Variants in PDE6A observed in about 807,000 individuals in gnomAD.
PDE6A encodes the protein phosphodiesterase 6A, also known as rod cGMP-specific 3',5'-cyclic phosphodiesterase subunit alpha.
Under a neutral mutation model 106.3 loss-of-function variants are expected in PDE6A, and 84 were observed. The observed-to-expected ratio is 0.79, with a 90% CI of 0.66 to 0.95. The LOEUF (loss-of-function observed/expected upper bound fraction) is 0.95. Ranked by LOEUF, PDE6A falls within the 40% of genes least tolerant of loss-of-function variation. PDE6A has a pLI of 0.00. For missense variants in PDE6A, 1,052 were observed against 1,084.9 expected (o/e 0.97, Z 0.43); for synonymous variants, 394 against 386.6 (o/e 1.02, Z -0.23).
chr5:149,882,760 C>T (rs1760973551), intron 17 of PDE6A, among the ~76,000 whole-genome samples: 1 of 152,026 alleles, frequency 6.6e-6, no homozygotes, highest in Non-Finnish European at 1.5e-5. Flanking sequence ...TTAACTATCA[C>T]TCAAACTTTA....
chr5:149,865,265 C>T (rs1378710380), intron 20 of PDE6A, among the ~76,000 whole-genome samples: 1 of 143,448 alleles, frequency 7.0e-6, no homozygotes, highest in Non-Finnish European at 1.5e-5. Context: ...AAAAATTTAG[C>T]TGGATGTGGT....
chr5:149,907,136 A>G (rs2113615831), intron 7 of PDE6A, among the ~76,000 whole-genome samples, 176 bp downstream of exon 7: 1 of 152,352 alleles, frequency 6.6e-6, no homozygotes, highest in South Asian at 2.1e-4. Flanking sequence ...TCAAATGTCA[A>G]TTATCTGTTC....
intron 10 of PDE6A, 36 bp downstream of exon 10, chr5:149,898,327 G>A (rs1752835693): frequency 6.2e-7 from 1 of 1,603,128 alleles, no homozygotes; most frequent in African/African-American, 1.3e-5. Context: ...GACGCAGTCT[G>A]TATTAGAGTA....
At chr5:149,939,725 CA>C (rs1754277469) in intron 1 of PDE6A, among the ~76,000 whole-genome samples, 1 of 152,252 alleles carries the variant, frequency 6.6e-6, no homozygotes, top group African/African-American at 2.4e-5. Context: ...TTGCCAAGGC[CA>C]CATTCTTTGA....
At chr5:149,935,061 A>G (rs986203325) in intron 1 of PDE6A, among the ~76,000 whole-genome samples, 5 of 152,202 alleles carry the variant, frequency 3.3e-5, no homozygotes, top group Non-Finnish European at 7.3e-5. Flanking sequence ...GGGTACAGCT[A>G]AGAGGAAGCC....
chr5:149,905,507 A>G (rs1404115681), intron 7 of PDE6A, among the ~76,000 whole-genome samples: 1 of 152,134 alleles, frequency 6.6e-6, no homozygotes, highest in Non-Finnish European at 1.5e-5. Context: ...AGCACTATCT[A>G]TTCAGTCTAG....
chr5:149,943,169 C>T (rs577897206), intron 1 of PDE6A, among the ~76,000 whole-genome samples: 5 of 152,240 alleles, frequency 3.3e-5, no homozygotes, highest in South Asian at 2.1e-4. Context: ...TGCGGCCTTC[C>T]GCAGTGCATT....
At chr5:149,872,269 A>G (rs1000168547) in intron 17 of PDE6A, among the ~76,000 whole-genome samples, 19 of 152,184 alleles carry the variant, frequency 1.2e-4, no homozygotes, top group African/African-American at 3.1e-4. Context: ...GTTGGATCCT[A>G]TGAAATTCTG....
intron 17 of PDE6A, among the ~76,000 whole-genome samples, chr5:149,882,006 C>T (rs980730026): frequency 1.2e-4 from 18 of 151,408 alleles, no homozygotes; most frequent in African/African-American, 3.4e-4. Flanking sequence ...GAGCCCTGAT[C>T]GCCACTGCAC....
rs758150381 is a variant in PDE6A at position 149,934,712 on chromosome 5, G to C, written c.481C>G (p.His161Asp). The change falls in exon 2 of 22, where the codon CAT (histidine) becomes GAT (aspartate). Residue 161 changes from histidine to aspartate, a missense_variant. By Grantham distance (81) the His-to-Asp change is moderately conservative. Transcript: ENST00000255266. ...AGGATGTCCACAAAGTCACAGAAAT[G>C]CTCATCCTAAAGGAAGGCAGAGATA... The part of the protein sequence containing the change: ...ANVPNTEEDE[H>D]FCDFVDILTE... 5.5e-5 allele frequency: 89 copies of C among 1,613,706 alleles called. 2 individuals are homozygous for C. The South Asian group carries it at 5.6e-4, about 10-fold the overall frequency.
chr5:149,880,075 C>G (rs977461983), intron 17 of PDE6A, among the ~76,000 whole-genome samples: 11 of 152,146 alleles, frequency 7.2e-5, no homozygotes, highest in African/African-American at 2.7e-4. Context: ...TTCTGCTGGT[C>G]ACCATTATTA....
At chr5:149,919,066 G>A (rs941631861) in intron 5 of PDE6A, among the ~76,000 whole-genome samples, 2 of 152,088 alleles carry the variant, frequency 1.3e-5, no homozygotes, top group African/African-American at 2.4e-5. Context: ...AGAGTTCCAG[G>A]ACCTTCTTGA....
At position 149,869,409 on chromosome 5, in the gene PDE6A, G is replaced by T. The variant is rs1160516047; in HGVS notation, c.2136-1251C>A. On this transcript the variant is annotated intron_variant, in intron 17 of 21. Transcript: ENST00000255266. ...AAGAGTTCAAAGGTAAACTCTTAAG[G>T]GAGTGTCCCACTCATAGAAAGGCAA... Among the ~76,000 whole-genome samples the T allele has an allele frequency of 5.9e-5, 9 of 152,220 alleles. No homozygotes were observed. The East Asian group carries it at 1.7e-3, about 29-fold the overall frequency.
chr5:149,908,628 T>C (rs1156877709), intron 6 of PDE6A, among the ~76,000 whole-genome samples: 1 of 152,240 alleles, frequency 6.6e-6, no homozygotes, highest in Non-Finnish European at 1.5e-5. Context: ...AGTTCCTCTG[T>C]TCATGTCTTT....
intron 1 of PDE6A, among the ~76,000 whole-genome samples, chr5:149,940,505 CT>C (rs56930344): frequency 1.3e-4 from 19 of 141,910 alleles, no homozygotes; most frequent in Middle Eastern, 7.4e-3. Flanking sequence ...TGTTTGAATC[CT>C]TTTTTTTTTG....
chr5:149,871,880 T>A (rs762075546), intron 17 of PDE6A, among the ~76,000 whole-genome samples: 1 of 152,018 alleles, frequency 6.6e-6, no homozygotes, highest in Non-Finnish European at 1.5e-5. Flanking sequence ...TAAAGAGAAA[T>A]GTCCAGACAG....
chr5:149,900,902 A>C (rs1752952134), intron 8 of PDE6A, among the ~76,000 whole-genome samples: 1 of 152,050 alleles, frequency 6.6e-6, no homozygotes, highest in South Asian at 2.1e-4. Context: ...CAAAGAAATC[A>C]TTGATTCAAC....
intron 6 of PDE6A, among the ~76,000 whole-genome samples, chr5:149,909,597 G>A (rs935460471): frequency 1.3e-5 from 2 of 152,166 alleles, no homozygotes; most frequent in African/African-American, 2.4e-5. Context: ...TGGTTTGAAT[G>A]TGACACCTAT....
intron 1 of PDE6A, among the ~76,000 whole-genome samples, chr5:149,943,151 G>T (rs1414479204): frequency 1.3e-5 from 2 of 152,160 alleles, no homozygotes; most frequent in African/African-American, 4.8e-5. Context: ...TTCTTGGGCA[G>T]AGGTCCCTGC....
Sources: gnomAD v4.1 joint callset for allele counts (sites outside exome capture counted in the v4.1 genomes callset) on GRCh38, gnomAD v4.1.1 for gene constraint, MANE v1.5 for transcripts, NCBI Gene and HGNC (gene_info 2026-07-23, HGNC 2026-07-21) for gene names.